Variants in FOXP2 observed in about 807,000 individuals in gnomAD.
The protein encoded by FOXP2 is forkhead box P2.
Under a neutral mutation model 115.8 loss-of-function variants are expected in FOXP2, and 12 were observed. The observed-to-expected ratio is 0.10, with a 90% CI of 0.07 to 0.17. The LOEUF (loss-of-function observed/expected upper bound fraction) is 0.17, where lower values mean the gene tolerates loss of function less well. FOXP2 is among the 10% of genes least tolerant of loss of function. FOXP2 has a pLI of 1.00. For synonymous variants in FOXP2, 328 were observed against 297.7 expected (o/e 1.10, Z -1.05); for missense variants, 629 against 843.5 (o/e 0.75, Z 3.15).
Position 114,343,511 on chromosome 7 carries a change from T to A in FOXP2, c.-11+55402T>A, listed in dbSNP as rs183844910. 5.0e-3 allele frequency among the ~76,000 whole-genome samples: 763 copies of A among 151,690 alleles called. 9 individuals are homozygous for A. Among genetic ancestry groups the A allele is most frequent in the African/African-American group, 0.018 (735 of 41,476 alleles). On this transcript the variant is annotated intron_variant, in intron 2 of 17. Transcript: ENST00000634411. ...TCATTGTACTATTAAATTCTCTACT[T>A]CCTTACATTGTTTAATAAGTGTTAG...
At chr7:114,493,533 G>GTGCT (rs1342367981) in intron 2 of FOXP2, among the ~76,000 whole-genome samples, 1 of 152,038 alleles carries the variant, frequency 6.6e-6, no homozygotes, top group Non-Finnish European at 1.5e-5. Flanking sequence ...GCTCCTAAAT[G>GTGCT]TGCTCTAAAA....
chr7:114,287,039 C>G (rs1426116375), intron 1 of FOXP2, among the ~76,000 whole-genome samples: 1 of 152,006 alleles, frequency 6.6e-6, no homozygotes, highest in Non-Finnish European at 1.5e-5. Flanking sequence ...TAATTGAACA[C>G]AGAACTTCCT....
At chr7:114,206,976 A>G (rs1794216482) in intron 1 of FOXP2, among the ~76,000 whole-genome samples, 1 of 151,736 alleles carries the variant, frequency 6.6e-6, no homozygotes, top group South Asian at 2.1e-4. Context: ...ACCTCCCCCT[A>G]CTCTGTAGTC....
At chr7:114,321,281 C>G (rs996797503) in intron 2 of FOXP2, among the ~76,000 whole-genome samples, 1 of 151,882 alleles carries the variant, frequency 6.6e-6, no homozygotes, top group Non-Finnish European at 1.5e-5. Context: ...TCACTGCAAC[C>G]TCTGCCTCCT....
chr7:114,102,689 CCA>C (rs1305617533), intron 1 of FOXP2, among the ~76,000 whole-genome samples: 1 of 99,960 alleles, frequency 1.0e-5, no homozygotes, highest in Non-Finnish European at 2.1e-5. Flanking sequence ...CATACAAACA[CCA>C]CACACCACAC....
chr7:114,297,300 A>G, intron 2 of FOXP2: 2 of 559,792 alleles, frequency 3.6e-6, no homozygotes, highest in Non-Finnish European at 6.8e-6. Context: ...CCTCTGAATC[A>G]TGTCCCACGC....
At chr7:114,280,579 C>A (rs564392001) in intron 1 of FOXP2, among the ~76,000 whole-genome samples, 5 of 152,100 alleles carry the variant, frequency 3.3e-5, no homozygotes, top group African/African-American at 9.6e-5. Flanking sequence ...ATACTCTGTT[C>A]TATGAAAAGT....
At chr7:114,399,698 A>T (rs1381269318) in intron 2 of FOXP2, among the ~76,000 whole-genome samples, 1 of 152,168 alleles carries the variant, frequency 6.6e-6, no homozygotes, top group Admixed American at 6.5e-5. Context: ...GTGGAGGCAG[A>T]GGAAAACAAT....
chr7:114,688,999 A>G (rs1016934254), intron 16 of FOXP2, among the ~76,000 whole-genome samples: 8 of 152,132 alleles, frequency 5.3e-5, no homozygotes, highest in African/African-American at 1.7e-4. Flanking sequence ...TTATTTATAT[A>G]TAATATTTTT....
chr7:114,607,513 A>G (rs1291036580), intron 3 of FOXP2, among the ~76,000 whole-genome samples: 1 of 152,200 alleles, frequency 6.6e-6, no homozygotes, highest in Non-Finnish European at 1.5e-5. Flanking sequence ...TGAGATAAAA[A>G]TGTGATAAAA....
At chr7:114,450,685 C>A (rs987226266) in intron 2 of FOXP2, among the ~76,000 whole-genome samples, 7 of 151,866 alleles carry the variant, frequency 4.6e-5, no homozygotes, top group African/African-American at 1.5e-4. Context: ...AAAATATTTT[C>A]TGTAATGCAC....
At chr7:114,593,602 T>C (rs186497206) in intron 3 of FOXP2, among the ~76,000 whole-genome samples, 2 of 152,200 alleles carry the variant, frequency 1.3e-5, no homozygotes, top group Admixed American at 6.6e-5. Context: ...TATGTCTCTA[T>C]GCAAGCTAAT....
At chr7:114,357,382 G>C (rs1280406486) in intron 2 of FOXP2, among the ~76,000 whole-genome samples, 1 of 152,144 alleles carries the variant, frequency 6.6e-6, no homozygotes, top group Non-Finnish European at 1.5e-5. Context: ...GCCATAACTA[G>C]AAATCAAGAA....
intron 2 of FOXP2, among the ~76,000 whole-genome samples, chr7:114,362,919 G>A (rs1355910508): frequency 6.6e-6 from 1 of 152,004 alleles, no homozygotes; most frequent in Non-Finnish European, 1.5e-5. Context: ...TTAAAGGGTG[G>A]ATGACAACTG....
intron 1 of FOXP2, among the ~76,000 whole-genome samples, chr7:114,243,082 G>A (rs900652022): frequency 6.6e-6 from 1 of 152,026 alleles, no homozygotes; most frequent in Non-Finnish European, 1.5e-5. Flanking sequence ...ATACTACATT[G>A]TATTGATTTT....
chr7:114,275,215 G>A lies in FOXP2; in HGVS notation c.-101-12804G>A, dbSNP rs139720909. On this transcript the variant is annotated intron_variant, in intron 1 of 17. Transcript: ENST00000634411. ...GGTTAGTGTTTGACAATATTTTGGC[G>A]GAATTCTGTCATTATTGTGTAGAAT... Among the ~76,000 whole-genome samples, 433 of 151,880 alleles carry A rather than the reference G, an allele frequency of 2.9e-3. 2 individuals are homozygous for A. Among genetic ancestry groups the A allele is most frequent in the African/African-American group, 9.5e-3 (392 of 41,436 alleles).
intron 1 of FOXP2, among the ~76,000 whole-genome samples, chr7:114,098,326 T>C (rs1192718311): frequency 6.6e-6 from 1 of 152,146 alleles, no homozygotes; most frequent in African/African-American, 2.4e-5. Flanking sequence ...TGATTTAAAA[T>C]TATATTACAA....
At chr7:114,231,732 A>G (rs1794880780) in intron 1 of FOXP2, among the ~76,000 whole-genome samples, 1 of 152,312 alleles carries the variant, frequency 6.6e-6, no homozygotes, top group South Asian at 2.1e-4. Context: ...TAGGTTAAAG[A>G]CTTAATGGTA....
intron 2 of FOXP2, among the ~76,000 whole-genome samples, chr7:114,335,716 G>T (rs1382054117): frequency 6.6e-6 from 1 of 151,678 alleles, no homozygotes; most frequent in Non-Finnish European, 1.5e-5. Context: ...AATATTTAAA[G>T]GGTTCATTAA....
Sources: gnomAD v4.1 joint callset for allele counts (sites outside exome capture counted in the v4.1 genomes callset) on GRCh38, gnomAD v4.1.1 for gene constraint, MANE v1.5 for transcripts, NCBI Gene and HGNC (gene_info 2026-07-23, HGNC 2026-07-21) for gene names.